Variants in FBH1 observed in about 807,000 individuals in gnomAD.
FBH1 encodes DNA 3'-5' helicase 1.
A neutral mutation model predicts 115.5 loss-of-function variants in FBH1; 43 were observed. The observed-to-expected ratio is 0.37, with a 90% confidence interval of 0.29 to 0.48. FBH1 has a LOEUF of 0.48. Among genes scored for constraint, FBH1 ranks in the 20% least tolerant of loss-of-function variants. FBH1 has a pLI of 0.99. For synonymous variants in FBH1, 524 were observed against 507.8 expected (o/e 1.03, Z -0.43); for missense variants, 1,001 against 1,337.3 (o/e 0.75, Z 3.92).
chr10:5,909,376 G>T lies in FBH1; in HGVS notation c.1020+82G>T. The T allele has an allele frequency of 1.4e-6, 2 of 1,446,472 alleles. No individual in the cohort carries two copies. The highest frequency in any genetic ancestry group is 2.6e-5 in the South Asian group (2 of 75,984). The allele number at this position is 1,446,472 out of a possible 1,614,324, so 89.6% of individuals were successfully genotyped here. A position where few individuals can be genotyped will look rare whatever the true frequency, so the allele number is the denominator to read the frequency against. ...CTGGTGATTCAGTTCAATTGAGGAT[G>T]ACTTTATATTTATTTTTAATGTCTG... On this transcript the variant is annotated intron_variant, in intron 5 of 20. Transcript: ENST00000362091. The surrounding 1 kb of genome is among the most constrained non-coding windows in gnomAD (Gnocchi z 4.4).
At chr10:5,891,875 A>T (rs867198841) in intron 1 of FBH1, among the ~76,000 whole-genome samples, 1 of 152,018 alleles carries the variant, frequency 6.6e-6, no homozygotes, top group Admixed American at 6.6e-5. Context: ...GGCCTCCCAA[A>T]TGCTGGGATT....
chr10:5,891,866 G>A (rs1221041498), intron 1 of FBH1, among the ~76,000 whole-genome samples: 2 of 152,074 alleles, frequency 1.3e-5, no homozygotes, highest in Non-Finnish European at 2.9e-5. Flanking sequence ...ACCCAGCTCG[G>A]CCTCCCAAAT....
Position 5,906,493 on chromosome 10 carries a change from G to C in FBH1, c.614G>C (p.Cys205Ser), listed in dbSNP as rs1843699828. 6.2e-7 allele frequency: 1 copy of C among 1,614,080 alleles called. No homozygotes were observed. Among genetic ancestry groups the C allele is most frequent in the Non-Finnish European group, 8.5e-7 (1 of 1,180,006 alleles). ...SYYGLLGTLP[C>S]QEALSHICSL... Reference sequence around the variant, plus strand: ...TATGGGCTTCTTGGGACCTTGCCCTGCCAGGAAGCACTGAGCCACATTTGC... The same window carrying C: ...TATGGGCTTCTTGGGACCTTGCCCTCCCAGGAAGCACTGAGCCACATTTGC... The change falls in exon 3 of 21, where the codon TGC becomes TCC. Residue 205 changes from cysteine (C) to serine (S), a missense_variant. Cys to Ser is a moderately radical substitution (Grantham distance 112). Around this residue, in one of 4 missense-constraint regions of FBH1, gnomAD observed 420 missense variants for 430.4 expected, o/e 0.98. Transcript: ENST00000362091. This position sits in a 1 kb window ranked among gnomAD's most constrained non-coding sequence, Gnocchi z 7.3.
chr10:5,900,527 G>T lies in FBH1; in HGVS notation c.2-2493G>T, dbSNP rs965009427. Among the ~76,000 whole-genome samples, 2 of 152,234 alleles carry T rather than the reference G, an allele frequency of 1.3e-5. No homozygotes were observed. Among genetic ancestry groups the T allele is most frequent in the African/African-American group, 4.8e-5 (2 of 41,460 alleles). ...TGATTGCTGAGGCCTGGCGCTCATGGGGTTGCACCCAGCTTCTGAGTTCAG... is the reference window on the plus strand; with the variant it reads ...TGATTGCTGAGGCCTGGCGCTCATGTGGTTGCACCCAGCTTCTGAGTTCAG... On this transcript the variant is annotated intron_variant, in intron 1 of 20. Transcript: ENST00000362091. This position sits in a 1 kb window ranked among gnomAD's most constrained non-coding sequence, Gnocchi z 4.2.
chr10:5,922,342 G>A (rs935718209), intron 15 of FBH1, among the ~76,000 whole-genome samples: 5 of 152,152 alleles, frequency 3.3e-5, no homozygotes, highest in South Asian at 2.1e-4. Flanking sequence ...TTATAGATGT[G>A]TATTTTTGCA....
rs778785407 is a variant in FBH1 at position 5,914,877 on chromosome 10, T to C, written c.1397-526T>C. ...ACAACAACATTTTGAATGCCTGCAG[T>C]GTGCTTGGCATTGTGCTGATCCTGA... On this transcript the variant is annotated intron_variant, in intron 8 of 20. Transcript: ENST00000362091. This position sits in a 1 kb window ranked among gnomAD's most constrained non-coding sequence, Gnocchi z 5.2. Among the ~76,000 whole-genome samples the C allele has an allele frequency of 1.1e-4, 16 of 152,200 alleles. No individual in the cohort carries two copies. Among genetic ancestry groups the C allele is most frequent in the Non-Finnish European group, 2.4e-4 (16 of 68,046 alleles).
Position 5,937,132 on chromosome 10 carries a change from G to A in FBH1, c.2984G>A (p.Gly995Glu). 1 of 1,608,208 alleles carries A rather than the reference G, an allele frequency of 6.2e-7. No homozygotes were observed. The highest frequency in any genetic ancestry group is 8.5e-7 in the Non-Finnish European group (1 of 1,176,858). Residue 995 changes from glycine (G) to glutamate (E), a missense_variant, in exon 21 of 21, where the codon GGG becomes GAG. Gly to Glu is a moderately conservative substitution (Grantham distance 98). This residue lies in a region of FBH1 where 521 missense variants were observed against 811.0 expected (regional missense o/e 0.64). Coordinates refer to ENST00000362091, the MANE Select transcript of FBH1 (RefSeq NM_178150.3). The stretch of plus-strand genomic sequence containing the variant: ...CAGAGCAACAGGAAGGAAAACAAGG[G>A]GGGCTACCTCTGCCACTCCTGTGCG... ...ITYSNRKENK[G>E]GYLCHSCAEQ...
chr10:5,920,071 C>T (rs1014908851), intron 13 of FBH1, among the ~76,000 whole-genome samples: 1 of 152,242 alleles, frequency 6.6e-6, no homozygotes, highest in African/African-American at 2.4e-5. Context: ...TCCCACATTA[C>T]ATGTAACCAT....
Position 5,931,076 on chromosome 10 carries a change from A to G in FBH1, c.2829+3535A>G, listed in dbSNP as rs1355961472. The stretch of plus-strand genomic sequence containing the variant: ...AGGCAAATTTCAACATTTTGTTGTT[A>G]AATATAACACAAGTATATAAAACAG... On this transcript the variant is annotated intron_variant, in intron 19 of 20. Transcript: ENST00000362091. The surrounding 1 kb of genome is among the most constrained non-coding windows in gnomAD (Gnocchi z 4.3). 6.6e-6 allele frequency among the ~76,000 whole-genome samples: 1 copy of G among 152,186 alleles called. No individual in the cohort carries two copies. The highest frequency in any genetic ancestry group is 1.9e-4 in the East Asian group (1 of 5,202).
chr10:5,909,334 C>A lies in FBH1; in HGVS notation c.1020+40C>A, dbSNP rs371492567. On this transcript the variant is annotated intron_variant, in intron 5 of 20. Transcript: ENST00000362091. This position sits in a 1 kb window ranked among gnomAD's most constrained non-coding sequence, Gnocchi z 4.4. ...TGCGGGAGAAGGCGGCATGTTATTT[C>A]ACTGGAGGAAAGTGTACTGGTGATT... The A allele has an allele frequency of 6.3e-6, 10 of 1,588,528 alleles. No homozygotes were observed. In the African/African-American group the frequency reaches 1.3e-4, roughly 21 times the overall value.
At position 5,910,961 on chromosome 10, in the gene FBH1, G is replaced by A; in HGVS notation, c.1044G>A (p.Val348=). The change falls in exon 6 of 21, where the codon GTG becomes GTA. Residue 348 remains valine, a synonymous_variant. Transcript: ENST00000362091. This position sits in a 1 kb window ranked among gnomAD's most constrained non-coding sequence, Gnocchi z 4.8. The part of the protein sequence containing the change: ...AAGGVNIWAL[V]AAVVLLSSSV... ...AGGGTGTCAACATCTGGGCCCTGGTGGCGGCTGTGGTGCTCCTCTCCAGCA... is the reference window on the plus strand; with the variant it reads ...AGGGTGTCAACATCTGGGCCCTGGTAGCGGCTGTGGTGCTCCTCTCCAGCA... 1.9e-6 allele frequency: 3 copies of A among 1,611,148 alleles called. No individual in the cohort carries two copies. Among genetic ancestry groups the A allele is most frequent in the Non-Finnish European group, 2.5e-6 (3 of 1,179,788 alleles).
In FBH1 at chr10:5,909,550, T is replaced by G. The variant is rs1831428767; in HGVS notation, c.1020+256T>G. On this transcript the variant is annotated intron_variant, in intron 5 of 20. Transcript: ENST00000362091. The surrounding 1 kb of genome is among the most constrained non-coding windows in gnomAD (Gnocchi z 4.4). The stretch of plus-strand genomic sequence containing the variant: ...TCCCATTTGGTTGAGGAATCTTCTC[T>G]GAAATATTTCTGAAAAGTGGTCATC... 1 of 443,522 alleles carries G rather than the reference T, an allele frequency of 2.3e-6. No individual in the cohort carries two copies. 27.5% of individuals were successfully genotyped at this position (443,522 alleles called of 1,614,324 possible). A position where few individuals can be genotyped will look rare whatever the true frequency, so the allele number is the denominator to read the frequency against.
rs971939984 is a variant in FBH1, at chr10:5,904,180, C to T, written c.157+1005C>T. ...CAAGTAGCTGGGACTTACAGGCGCG[C>T]GCCACCATGCCTAGCTAATTTTTGT... is the stretch of plus-strand genomic sequence containing the variant. On this transcript the variant is annotated intron_variant, in intron 2 of 20. Transcript: ENST00000362091. Among the ~76,000 whole-genome samples, 35 of 151,900 alleles carry T rather than the reference C, an allele frequency of 2.3e-4. 1 individual carries two copies. The highest frequency in any genetic ancestry group is 3.9e-4 in the East Asian group (2 of 5,182).
intron 10 of FBH1, among the ~76,000 whole-genome samples, 171 bp downstream of exon 10, chr10:5,916,627 G>T (rs1831971587): frequency 6.6e-6 from 1 of 151,274 alleles, no homozygotes; most frequent in Non-Finnish European, 1.5e-5. Context: ...AGGGATCTGA[G>T]GATGGGGAAA....
rs1464169475 is a variant in FBH1, at chr10:5,936,263, CAGTT to C, written c.2830-192_2830-189del. 4.8e-5 allele frequency: 22 copies of C among 462,962 alleles called. No homozygotes were observed. The East Asian group carries it at 7.1e-4, about 15-fold the overall frequency. 28.7% of individuals were successfully genotyped at this position (462,962 alleles called of 1,614,324 possible). On this transcript the variant is annotated intron_variant, in intron 19 of 20. Transcript: ENST00000362091. The surrounding 1 kb of genome is among the most constrained non-coding windows in gnomAD (Gnocchi z 5.6). ...TATATTTAAAAAGCAATTGGACTGTCAGTTGGACTGTCGATAGCTTTGGAGGCAG... is the reference window on the plus strand; with the variant it reads ...TATATTTAAAAAGCAATTGGACTGTCGGACTGTCGATAGCTTTGGAGGCAG...
chr10:5,899,723 C>A (rs112627031), intron 1 of FBH1, among the ~76,000 whole-genome samples: 2 of 152,286 alleles, frequency 1.3e-5, no homozygotes, highest in Admixed American at 6.5e-5. Context: ...TGCCGCTCTA[C>A]CTGTCTCTTT....
At position 5,936,433 on chromosome 10, in the gene FBH1, C is replaced by T. The variant is rs1833360987; in HGVS notation, c.2830-23C>T. 9 of 1,611,334 alleles carry T rather than the reference C, an allele frequency of 5.6e-6. No homozygotes were observed. Among genetic ancestry groups the T allele is most frequent in the Non-Finnish European group, 7.6e-6 (9 of 1,178,672 alleles). On this transcript the variant is annotated intron_variant, in intron 19 of 20. Coordinates refer to ENST00000362091, the MANE Select transcript of FBH1 (RefSeq NM_178150.3). This position sits in a 1 kb window ranked among gnomAD's most constrained non-coding sequence, Gnocchi z 5.6. ...CTAACGGAGGTGTCGCCATGACTCTCTTTCTCGCTCTTTCTTTCTCAGGAG... is the reference window on the plus strand; with the variant it reads ...CTAACGGAGGTGTCGCCATGACTCTTTTTCTCGCTCTTTCTTTCTCAGGAG...
In FBH1 at chr10:5,915,431, G is replaced by A; in HGVS notation, c.1425G>A (p.Lys475=). 1 of 1,614,264 alleles carries A rather than the reference G, an allele frequency of 6.2e-7. No homozygotes were observed. Among genetic ancestry groups the A allele is most frequent in the Non-Finnish European group, 8.5e-7 (1 of 1,180,042 alleles). Residue 475 remains lysine (K), a synonymous_variant, in exon 9 of 21, where the codon AAG becomes AAA. Coordinates refer to ENST00000362091, the MANE Select transcript of FBH1 (RefSeq NM_178150.3). The surrounding 1 kb of genome is among the most constrained non-coding windows in gnomAD (Gnocchi z 5.2). ...CTGGGAAGACCTCAACGCTGGTCAA[G>A]TATGCAGAGAAGTGGTCTCAGAGCA... ...AGTGKTSTLV[K]YAEKWSQSRF...
chr10:5,903,478 G>A (rs1337500987), intron 2 of FBH1, among the ~76,000 whole-genome samples: 2 of 138,246 alleles, frequency 1.4e-5, no homozygotes, highest in East Asian at 4.2e-4. Context: ...TTGCAGGTGC[G>A]TGCCACCACC....
Sources: allele counts gnomAD v4.1 joint callset (sites outside exome capture counted in the v4.1 genomes callset), GRCh38; gene constraint gnomAD v4.1.1; regional missense constraint gnomAD v4.1.1; non-coding constraint Gnocchi (gnomAD v3.1); transcripts MANE v1.5; gene names NCBI Gene and HGNC (gene_info 2026-07-23, HGNC 2026-07-21).